The following KCNJ1 variants were observed in gnomAD, a reference collection of about 807,000 sequenced individuals.
The protein encoded by KCNJ1 is ATP-sensitive inward rectifier potassium channel 1.
KCNJ1 carries 24 observed loss-of-function variants against 21.9 expected under a neutral mutation model. The ratio of observed to expected loss-of-function variants is 1.10; its 90% CI spans 0.79 to 1.54. The LOEUF (loss-of-function observed/expected upper bound fraction) is 1.54. Among genes scored for constraint, KCNJ1 ranks in the 40% most tolerant of loss-of-function variants. The pLI is 0.00. For missense variants in KCNJ1, 457 were observed against 455.4 expected (o/e 1.00, Z -0.03); for synonymous variants, 152 against 160.9 (o/e 0.94, Z 0.42).
chr11:128,843,436 A>T (rs1244487577), intron 2 of KCNJ1, among the ~76,000 whole-genome samples: 1 of 152,218 alleles, frequency 6.6e-6, no homozygotes, highest in Non-Finnish European at 1.5e-5. Flanking sequence ...AAACAAGCGG[A>T]TTACATTACT....
intron 1 of KCNJ1, among the ~76,000 whole-genome samples, chr11:128,851,238 A>C (rs1752431580): frequency 6.6e-6 from 1 of 152,260 alleles, no homozygotes; most frequent in African/African-American, 2.4e-5. Context: ...ATCATTGTAC[A>C]CATCTAGATA....
At position 128,839,176 on chromosome 11, in the gene KCNJ1, G is replaced by T; in HGVS notation, c.1068C>A (p.Asn356Lys). The T allele has an allele frequency of 6.2e-7, 1 of 1,614,142 alleles. No homozygotes were observed. The highest frequency in any genetic ancestry group is 8.5e-7 in the Non-Finnish European group (1 of 1,180,012). The change falls in exon 3 of 3, where the codon AAC becomes AAA. Residue 356 changes from asparagine to lysine, a missense_variant. Asn to Lys is a moderately conservative substitution (Grantham distance 94). Coordinates refer to ENST00000392666, the MANE Select transcript of KCNJ1 (RefSeq NM_153766.3). Reference protein sequence around the residue: ...VRARMKRGYDNPNFILSEVNE... With the variant: ...VRARMKRGYDKPNFILSEVNE... ...TGACTTCTGACAAGATGAAGTTGGG[G>T]TTGTCATAGCCTCTCTTCATCCTGG...
chr11:128,846,580 A>G (rs985218084), intron 2 of KCNJ1, among the ~76,000 whole-genome samples: 2 of 152,228 alleles, frequency 1.3e-5, no homozygotes, highest in Admixed American at 6.5e-5. Flanking sequence ...AGTGCGCAAC[A>G]GAAGATCTGG....
At chr11:128,863,654 T>G (rs1032709264) in intron 1 of KCNJ1, among the ~76,000 whole-genome samples, 1 of 152,204 alleles carries the variant, frequency 6.6e-6, no homozygotes, top group African/African-American at 2.4e-5. Context: ...TTGTTCAAAA[T>G]TAGTGTTTCA....
intron 1 of KCNJ1, among the ~76,000 whole-genome samples, chr11:128,858,323 C>T (rs1448162795): frequency 3.9e-5 from 6 of 152,192 alleles, no homozygotes; most frequent in African/African-American, 1.4e-4. Context: ...AGGTTCGCAA[C>T]ACAGCAGTGA....
intron 1 of KCNJ1, among the ~76,000 whole-genome samples, chr11:128,858,119 G>C (rs1457920988): frequency 6.6e-6 from 1 of 151,470 alleles, no homozygotes; most frequent in Non-Finnish European, 1.5e-5. Context: ...GGATGGGGCA[G>C]GATGGGGAGG....
In KCNJ1 at chr11:128,838,610, G is replaced by A. The variant is rs778680768; in HGVS notation, c.*515C>T. 1 of 158,856 alleles carries A rather than the reference G, an allele frequency of 6.3e-6. No individual in the cohort carries two copies. Among genetic ancestry groups the A allele is most frequent in the Admixed American group, 6.1e-5 (1 of 16,518 alleles). The allele number at this position is 158,856 out of a possible 1,614,324, so 9.8% of individuals were successfully genotyped here. A position where few individuals can be genotyped will look rare whatever the true frequency, so the allele number is the denominator to read the frequency against. The stretch of plus-strand genomic sequence containing the variant: ...AGCTTAGAGCCTCAAATTGTTCTTT[G>A]TGTAAGCGTTTTCTTGTCATTGATT... On this transcript the variant is annotated 3_prime_UTR_variant, in exon 3 of 3. Transcript: ENST00000392666.
intron 1 of KCNJ1, among the ~76,000 whole-genome samples, chr11:128,863,994 C>A (rs1037580054): frequency 6.7e-6 from 1 of 150,086 alleles, no homozygotes; most frequent in African/African-American, 2.4e-5. Context: ...GAGGAAGGAA[C>A]AACCTTTGAC....
chr11:128,842,445 G>A, intron 2 of KCNJ1: 1 of 1,613,704 alleles, frequency 6.2e-7, no homozygotes, highest in Non-Finnish European at 8.5e-7. Flanking sequence ...AAGTGGTGCT[G>A]GTTGTTGGTC....
chr11:128,859,646 G>A (rs1201008408), intron 1 of KCNJ1, among the ~76,000 whole-genome samples: 1 of 152,174 alleles, frequency 6.6e-6, no homozygotes, highest in Non-Finnish European at 1.5e-5. Context: ...GAGGGAAAAG[G>A]AAGGAAGGTC....
chr11:128,844,178 T>G lies in KCNJ1; in HGVS notation c.-21-3914A>C, dbSNP rs144138564. Among the ~76,000 whole-genome samples the G allele has an allele frequency of 3.0e-4, 46 of 152,360 alleles. 1 individual carries two copies. In the East Asian group the frequency reaches 7.7e-3, roughly 26 times the overall value. On this transcript the variant is annotated intron_variant, in intron 2 of 2. Transcript: ENST00000392666. ...GGCTCCCACTCTAATGGAGATGTCT[T>G]GTGTGTGCACTACTAACCACACTAC... is the stretch of plus-strand genomic sequence containing the variant.
chr11:128,863,837 T>C lies in KCNJ1; in HGVS notation c.-192+3336A>G, dbSNP rs1943762252. On this transcript the variant is annotated intron_variant, in intron 1 of 2. Transcript: ENST00000392666. ...TTTTGGTTTCTTTCTGCTATTTTTC[T>C]AAAAAGAATCCAGGAGTTTCATGTG... Among the ~76,000 whole-genome samples, 5 of 152,260 alleles carry C rather than the reference T, an allele frequency of 3.3e-5. No individual in the cohort carries two copies. In the South Asian group the frequency reaches 1.0e-3, roughly 32 times the overall value.
chr11:128,864,045 ACTTTT>A (rs1472661516), intron 1 of KCNJ1, among the ~76,000 whole-genome samples: 2 of 117,058 alleles, frequency 1.7e-5, no homozygotes. Context: ...TTTATTACTG[ACTTTT>A]CTTTTTCTTT....
At chr11:128,853,559 A>G (rs989222211) in intron 1 of KCNJ1, among the ~76,000 whole-genome samples, 1 of 152,190 alleles carries the variant, frequency 6.6e-6, no homozygotes, top group Non-Finnish European at 1.5e-5. Context: ...GGTGATGAAA[A>G]TGTTCCGGTA....
At chr11:128,856,606 T>C (rs1466164225) in intron 1 of KCNJ1, among the ~76,000 whole-genome samples, 1 of 152,206 alleles carries the variant, frequency 6.6e-6, no homozygotes, top group African/African-American at 2.4e-5. Flanking sequence ...TTCTTTTCCT[T>C]CTTAGCACTG....
intron 2 of KCNJ1, chr11:128,842,332 C>T (rs1322543220): frequency 1.9e-6 from 3 of 1,604,538 alleles, no homozygotes; most frequent in Middle Eastern, 1.7e-4. Context: ...AATGATGAAA[C>T]ATTATCTGCC....
intron 2 of KCNJ1, among the ~76,000 whole-genome samples, chr11:128,845,802 C>T (rs1943369922): frequency 6.6e-6 from 1 of 152,122 alleles, no homozygotes; most frequent in African/African-American, 2.4e-5. Context: ...TCAGGAATAC[C>T]CTACTTTTTT....
At chr11:128,866,071 A>G (rs1387395238) in intron 1 of KCNJ1, among the ~76,000 whole-genome samples, 1 of 152,130 alleles carries the variant, frequency 6.6e-6, no homozygotes, top group Admixed American at 6.6e-5. Context: ...TCTCCACCCC[A>G]TCATGCTCTT....
intron 1 of KCNJ1, among the ~76,000 whole-genome samples, chr11:128,857,349 T>G (rs1024802092): frequency 2.0e-5 from 3 of 152,196 alleles, no homozygotes; most frequent in Non-Finnish European, 4.4e-5. Flanking sequence ...GGTTGTTTAT[T>G]TCCCTGCTGG....
Sources: gnomAD v4.1 joint callset for allele counts (sites outside exome capture counted in the v4.1 genomes callset) on GRCh38, gnomAD v4.1.1 for gene constraint, MANE v1.5 for transcripts, NCBI Gene and HGNC (gene_info 2026-07-23, HGNC 2026-07-21) for gene names.